Variants in COL27A1 observed in about 807,000 individuals in gnomAD.
The protein encoded by COL27A1 is collagen type XXVII alpha 1 chain, also known as collagen alpha-1(XXVII) chain.
A neutral mutation model predicts 251.3 loss-of-function variants in COL27A1; 106 were observed. The ratio of observed to expected loss-of-function variants is 0.42; its 90% CI spans 0.36 to 0.50. The LOEUF is 0.50. Among genes scored for constraint, COL27A1 ranks in the 20% least tolerant of loss-of-function variants. The pLI is 0.00. For missense variants in COL27A1, 2,325 were observed against 2,522.8 expected (o/e 0.92, Z 1.68); for synonymous variants, 1,000 against 986.3 (o/e 1.01, Z -0.26).
chr9:114,289,571 C>A (rs1417562961), intron 45 of COL27A1, among the ~76,000 whole-genome samples: 1 of 152,132 alleles, frequency 6.6e-6, no homozygotes, highest in Non-Finnish European at 1.5e-5. Context: ...CAGGGCTCAC[C>A]ACACTGTAGA....
chr9:114,270,752 A>G lies in COL27A1; in HGVS notation c.3580A>G (p.Ser1194Gly). The G allele has an allele frequency of 6.2e-7, 1 of 1,613,124 alleles. No individual in the cohort carries two copies. Among genetic ancestry groups the G allele is most frequent in the Non-Finnish European group, 8.5e-7 (1 of 1,179,546 alleles). ...GGGAGAGCCAGGCCTTGAGGGTGACAGTGGCCCCATGGGACCTGATGGGCT... is the reference window on the plus strand; with the variant it reads ...GGGAGAGCCAGGCCTTGAGGGTGACGGTGGCCCCATGGGACCTGATGGGCT... ...QRGEPGLEGD[S>G]GPMGPDGLKG... is the part of the protein sequence containing the mutation. Residue 1194 changes from serine to glycine, a missense_variant, in exon 36 of 61, where the codon AGT becomes GGT. Coordinates refer to ENST00000356083, the MANE Select transcript of COL27A1 (RefSeq NM_032888.4).
chr9:114,199,447 C>G (rs982512782), intron 7 of COL27A1, among the ~76,000 whole-genome samples: 6 of 151,974 alleles, frequency 3.9e-5, no homozygotes, highest in Admixed American at 3.9e-4. Flanking sequence ...TCCTGCCTCC[C>G]TGGCCCCCGC....
At chr9:114,251,396 C>T (rs965256906) in intron 25 of COL27A1, among the ~76,000 whole-genome samples, 8 of 152,088 alleles carry the variant, frequency 5.3e-5, no homozygotes, top group African/African-American at 2.4e-5. Flanking sequence ...CCCAGACCCT[C>T]GGGCCTCTGC....
At chr9:114,285,881 TG>T (rs1827442650) in intron 41 of COL27A1, among the ~76,000 whole-genome samples, 1 of 152,346 alleles carries the variant, frequency 6.6e-6, no homozygotes, top group African/African-American at 2.4e-5. Flanking sequence ...CTGCTGAGAA[TG>T]GGACCCTAAC....
chr9:114,162,767 A>G lies in COL27A1; in HGVS notation c.115A>G (p.Thr39Ala), dbSNP rs2135028097. 2 of 1,612,124 alleles carry G rather than the reference A, an allele frequency of 1.2e-6. No homozygotes were observed. Among genetic ancestry groups the G allele is most frequent in the East Asian group, 4.5e-5 (2 of 44,756 alleles). Reference protein sequence around the residue: ...LVSFACHLASTQGAPEDVDIL... With the variant: ...LVSFACHLASAQGAPEDVDIL... ...CTCGTTTGCCTGTCACCTGGCCTCC[A>G]CCCAAGGAGCTCCTGAAGGTAATTC... is the stretch of plus-strand genomic sequence containing the variant. The change falls in exon 2 of 61, where the codon ACC becomes GCC. Residue 39 changes from threonine to alanine, a missense_variant. Around this residue, in one of 4 missense-constraint regions of COL27A1, gnomAD observed 1,183 missense variants for 1,144.1 expected, o/e 1.03. Coordinates refer to ENST00000356083, the MANE Select transcript of COL27A1 (RefSeq NM_032888.4).
At chr9:114,180,118 G>A (rs1389525588) in intron 4 of COL27A1, among the ~76,000 whole-genome samples, 2 of 151,586 alleles carry the variant, frequency 1.3e-5, no homozygotes, top group Non-Finnish European at 2.9e-5. Flanking sequence ...GGGATTATGA[G>A]TGTGAGCCAC....
chr9:114,176,643 T>G (rs1827470688), intron 3 of COL27A1, among the ~76,000 whole-genome samples: 1 of 151,232 alleles, frequency 6.6e-6, no homozygotes. Flanking sequence ...GCACCCAGAG[T>G]CCAGAACCCA....
At chr9:114,288,390 G>T (rs577998620) in intron 41 of COL27A1, 65 bp from the exon 42 acceptor site, 83 of 1,534,026 alleles carry the variant, frequency 5.4e-5, no homozygotes, top group Non-Finnish European at 7.1e-5. Flanking sequence ...AGCGCTTTCC[G>T]TCTGGAATTC....
intron 14 of COL27A1, among the ~76,000 whole-genome samples, chr9:114,223,455 G>T (rs1279405856): frequency 2.0e-5 from 3 of 152,156 alleles, no homozygotes; most frequent in African/African-American, 7.2e-5. Context: ...GCCTGCTCAG[G>T]TGAGTGGGAG....
In COL27A1 at chr9:114,240,490, G is replaced by A. The variant is rs1588738046; in HGVS notation, c.2835+3G>A. On this transcript the variant is annotated splice_donor_region_variant and intron_variant, in intron 21 of 60. Transcript: ENST00000356083. ...CCCGTGGGCAGCTGGGGCCCGAGGT[G>A]AGACTGTCTGGCCCCCTCCACTGCC... The A allele has an allele frequency of 6.2e-7, 1 of 1,608,656 alleles. No homozygotes were observed. The highest frequency in any genetic ancestry group is 8.5e-7 in the Non-Finnish European group (1 of 1,179,496).
chr9:114,280,652 G>A (rs1007023582), intron 37 of COL27A1, among the ~76,000 whole-genome samples: 1 of 152,238 alleles, frequency 6.6e-6, no homozygotes, highest in Non-Finnish European at 1.5e-5. Context: ...CTAAGGTTCA[G>A]AGAAAGAGCA....
In COL27A1 at chr9:114,243,563, G is replaced by A. The variant is rs1216018600; in HGVS notation, c.2934+3G>A. On this transcript the variant is annotated splice_donor_region_variant and intron_variant, in intron 23 of 60. Transcript: ENST00000356083. ...GGCCCGGCCTGGATGGCGTGAAGGT[G>A]AGGGGACCTGGAGATCCCTGGGGAC... 6 of 1,612,538 alleles carry A rather than the reference G, an allele frequency of 3.7e-6. No homozygotes were observed. The African/African-American group carries it at 4.0e-5, about 11-fold the overall frequency.
At chr9:114,164,221 A>C (rs913114691) in intron 2 of COL27A1, among the ~76,000 whole-genome samples, 2 of 152,238 alleles carry the variant, frequency 1.3e-5, no homozygotes, top group African/African-American at 2.4e-5. Context: ...TGAGAGAATC[A>C]AGTGAGATCA....
Position 114,205,830 on chromosome 9 carries a change from T to C in COL27A1, c.2223+18T>C. ...GCAGGCAGGTGCAGTATATGGCTTC[T>C]GGAAGCTCTGTGGCCATGGTGATGT... On this transcript the variant is annotated intron_variant, in intron 9 of 60. Transcript: ENST00000356083. The C allele has an allele frequency of 6.2e-7, 1 of 1,607,278 alleles. No homozygotes were observed. Among genetic ancestry groups the C allele is most frequent in the Non-Finnish European group, 8.5e-7 (1 of 1,177,176 alleles).
At chr9:114,173,374 T>A (rs1849461080) in intron 3 of COL27A1, among the ~76,000 whole-genome samples, 1 of 152,240 alleles carries the variant, frequency 6.6e-6, no homozygotes, top group Non-Finnish European at 1.5e-5. Flanking sequence ...AAGAATTTGA[T>A]CCTTACGAAA....
At chr9:114,176,525 C>T (rs1827450511) in intron 3 of COL27A1, among the ~76,000 whole-genome samples, 1 of 144,298 alleles carries the variant, frequency 6.9e-6, no homozygotes, top group South Asian at 2.3e-4. Flanking sequence ...CAAAGCCACC[C>T]AGATAGTAGG....
chr9:114,258,322 A>C (rs1394622553), intron 27 of COL27A1, among the ~76,000 whole-genome samples: 3 of 152,178 alleles, frequency 2.0e-5, no homozygotes, highest in African/African-American at 7.2e-5. Flanking sequence ...CCTATAGCCC[A>C]GGGCATTGGC....
Position 114,168,631 on chromosome 9 carries a change from T to C in COL27A1, c.1076T>C (p.Ile359Thr), listed in dbSNP as rs145777803. ...GCGGCCGCTCAACCATCACAGAAGATCACAGCCACCAAAATCCCCAAAAGC... is the reference window on the plus strand; with the variant it reads ...GCGGCCGCTCAACCATCACAGAAGACCACAGCCACCAAAATCCCCAAAAGC... The part of the protein sequence containing the change: ...RPAAAQPSQK[I>T]TATKIPKSLP... Residue 359 changes from isoleucine (I) to threonine (T), a missense_variant, in exon 3 of 61, where the codon ATC (isoleucine) becomes ACC (threonine). Around this residue, in one of 4 missense-constraint regions of COL27A1, gnomAD observed 1,183 missense variants for 1,144.1 expected, o/e 1.03. Coordinates refer to ENST00000356083, the MANE Select transcript of COL27A1 (RefSeq NM_032888.4). 169 of 1,614,104 alleles carry C rather than the reference T, an allele frequency of 1.0e-4. No homozygotes were observed. In the African/African-American group the frequency reaches 1.1e-3, roughly 10 times the overall value.
At chr9:114,165,795 C>CT (rs1183354975) in intron 2 of COL27A1, among the ~76,000 whole-genome samples, 1 of 151,654 alleles carries the variant, frequency 6.6e-6, no homozygotes, top group East Asian at 1.9e-4. Flanking sequence ...ATTCATCCAC[C>CT]TACCCATCCA....
Sources: gnomAD v4.1 joint callset for allele counts (sites outside exome capture counted in the v4.1 genomes callset) on GRCh38, gnomAD v4.1.1 for gene constraint, gnomAD v4.1.1 regional missense constraint, MANE v1.5 for transcripts, NCBI Gene and HGNC (gene_info 2026-07-23, HGNC 2026-07-21) for gene names.